The following RLF variants were observed in gnomAD, a reference collection of about 807,000 sequenced individuals.
The protein encoded by RLF is zinc finger protein Rlf.
Under a neutral mutation model 162.9 loss-of-function variants are expected in RLF, and 7 were observed. The observed-to-expected ratio is 0.04, with a 90% confidence interval of 0.02 to 0.08. RLF has a LOEUF of 0.08. Ranked by LOEUF, RLF falls within the 10% of genes least tolerant of loss-of-function variation. RLF has a pLI of 1.00. For synonymous variants in RLF, 782 were observed against 791.5 expected, an observed-to-expected ratio of 0.99 and a Z score of 0.20; for missense variants, 1,664 against 2,244.7, an observed-to-expected ratio of 0.74 and a Z score of 5.23.
chr1:40,239,971 C>A lies in RLF; in HGVS notation c.5269C>A (p.Arg1757=). 1 of 1,613,686 alleles carries A rather than the reference C, an allele frequency of 6.2e-7. No individual in the cohort carries two copies. ...KENFRKHSQP[R]SFDLKTYKPM... ...GAATTTTAGGAAACATTCACAGCCC[C>A]GGTCATTTGATTTGAAGACTTACAA... The change falls in exon 8 of 8, where the codon CGG becomes AGG. Residue 1757 remains arginine, a synonymous_variant. Transcript: ENST00000372771.
At position 40,225,210 on chromosome 1, in the gene RLF, A is replaced by G. The variant is rs1435610345; in HGVS notation, c.947+2500A>G. 2.0e-5 allele frequency among the ~76,000 whole-genome samples: 3 copies of G among 152,228 alleles called. No individual in the cohort carries two copies. In the East Asian group the frequency reaches 5.8e-4, roughly 29 times the overall value. On this transcript the variant is annotated intron_variant, in intron 6 of 7. Transcript: ENST00000372771. Reference sequence around the variant, plus strand: ...AGTAGTCATGCTTATTTTTAAACACATACGCTAGAATTTATGTCTTGGGAG... The same window carrying G: ...AGTAGTCATGCTTATTTTTAAACACGTACGCTAGAATTTATGTCTTGGGAG...
At chr1:40,207,942 A>G (rs767157824) in intron 5 of RLF, among the ~76,000 whole-genome samples, 36 of 152,190 alleles carry the variant, frequency 2.4e-4, no homozygotes, top group Non-Finnish European at 4.9e-4. Flanking sequence ...ACTTATATCT[A>G]AGATACTTCC....
intron 1 of RLF, among the ~76,000 whole-genome samples, chr1:40,176,022 GTCTC>G (rs1266170050): frequency 3.9e-5 from 6 of 151,914 alleles, no homozygotes; most frequent in South Asian, 4.1e-4. Context: ...TAATCATATA[GTCTC>G]TCTTTTTTGG....
At chr1:40,167,807 C>G (rs1272006899) in intron 1 of RLF, among the ~76,000 whole-genome samples, 4 of 151,386 alleles carry the variant, frequency 2.6e-5, no homozygotes, top group Non-Finnish European at 5.9e-5. Context: ...TGCCTAGTCT[C>G]TAAAACTTAA....
At chr1:40,211,774 A>G (rs985892595) in intron 5 of RLF, among the ~76,000 whole-genome samples, 1 of 151,270 alleles carries the variant, frequency 6.6e-6, no homozygotes, top group Non-Finnish European at 1.5e-5. Flanking sequence ...GGCACGTGCC[A>G]CCACGCCTGG....
chr1:40,215,719 C>G (rs1283420216), intron 5 of RLF, among the ~76,000 whole-genome samples: 1 of 151,880 alleles, frequency 6.6e-6, no homozygotes, highest in Non-Finnish European at 1.5e-5. Context: ...AGTGTTGAGA[C>G]TACAGGCATG....
At position 40,161,530 on chromosome 1, in the gene RLF, C is replaced by T. The variant is rs745777369; in HGVS notation, c.131C>T (p.Pro44Leu). The change falls in exon 1 of 8, where the codon CCG becomes CTG. Residue 44 changes from proline (P) to leucine (L), a missense_variant. Transcript: ENST00000372771. The surrounding 1 kb of genome is among the most constrained non-coding windows in gnomAD (Gnocchi z 4.4). The part of the protein sequence containing the change: ...VRGHRPVSPA[P>L]GASGLRPCLW... ...GGTCATCGCCCCGTATCTCCAGCGCCGGGAGCCTCGGGACTGCGGCCGTGT... is the reference window on the plus strand; with the variant it reads ...GGTCATCGCCCCGTATCTCCAGCGCTGGGAGCCTCGGGACTGCGGCCGTGT... The T allele has an allele frequency of 1.2e-6, 2 of 1,606,146 alleles. No individual in the cohort carries two copies. Among genetic ancestry groups the T allele is most frequent in the Admixed American group, 1.7e-5 (1 of 58,666 alleles).
intron 3 of RLF, among the ~76,000 whole-genome samples, chr1:40,191,772 A>G (rs1642560591): frequency 6.6e-6 from 1 of 152,172 alleles, no homozygotes; most frequent in Admixed American, 6.5e-5. Flanking sequence ...TTGATCACTA[A>G]TTATGTACCA....
intron 6 of RLF, among the ~76,000 whole-genome samples, chr1:40,227,847 A>G (rs1394694743): frequency 6.6e-6 from 1 of 152,160 alleles, no homozygotes; most frequent in Non-Finnish European, 1.5e-5. Flanking sequence ...CACTAAAAAT[A>G]CAAAAAATAG....
intron 1 of RLF, among the ~76,000 whole-genome samples, chr1:40,172,722 C>T (rs114466120): frequency 9.9e-5 from 15 of 152,208 alleles, no homozygotes; most frequent in Middle Eastern, 3.4e-3. Context: ...GCTGAGATTG[C>T]GTCACTGCAC....
At chr1:40,194,562 C>T (rs1642603458) in intron 3 of RLF, among the ~76,000 whole-genome samples, 2 of 151,136 alleles carry the variant, frequency 1.3e-5, no homozygotes, top group Non-Finnish European at 2.9e-5. Context: ...ATCGCTTGAA[C>T]CAACAAGAGC....
intron 7 of RLF, among the ~76,000 whole-genome samples, chr1:40,235,343 G>A (rs547517561): frequency 6.6e-6 from 1 of 152,036 alleles, no homozygotes; most frequent in Non-Finnish European, 1.5e-5. Context: ...GTGAGCCACC[G>A]TGCCCAGCCA....
chr1:40,213,509 A>G (rs1642888801), intron 5 of RLF, among the ~76,000 whole-genome samples: 1 of 152,174 alleles, frequency 6.6e-6, no homozygotes, highest in Non-Finnish European at 1.5e-5. Context: ...AAGGAGTCTC[A>G]TGTTTTTAAA....
chr1:40,189,066 A>G lies in RLF; in HGVS notation c.249A>G (p.Gln83=). 1 of 1,587,928 alleles carries G rather than the reference A, an allele frequency of 6.3e-7. No individual in the cohort carries two copies. The highest frequency in any genetic ancestry group is 8.6e-7 in the Non-Finnish European group (1 of 1,164,232). The change falls in exon 2 of 8, where the codon CAA becomes CAG. Residue 83 remains glutamine (Q), a synonymous_variant. Coordinates refer to ENST00000372771, the MANE Select transcript of RLF (RefSeq NM_012421.4). ...YCRSFCQTLL[Q]YASNKNASEH... is the part of the protein sequence containing the mutation. ...ATTTTATTTTGTAGACCTTATTGCA[A>G]TATGCAAGCAACAAGAATGCATCAG...
At chr1:40,177,144 C>G (rs887077407) in intron 1 of RLF, among the ~76,000 whole-genome samples, 1 of 152,012 alleles carries the variant, frequency 6.6e-6, no homozygotes, top group Non-Finnish European at 1.5e-5. Context: ...CACCACCACA[C>G]CCGGCTAATT....
At chr1:40,170,257 T>C (rs894916956) in intron 1 of RLF, among the ~76,000 whole-genome samples, 3 of 152,060 alleles carry the variant, frequency 2.0e-5, no homozygotes, top group Admixed American at 1.3e-4. Context: ...TTTTTTTGTT[T>C]TTTGGTTTTT....
intron 1 of RLF, among the ~76,000 whole-genome samples, chr1:40,181,916 T>TA: frequency 1.3e-5 from 2 of 152,252 alleles, no homozygotes; most frequent in Middle Eastern, 6.8e-3. Flanking sequence ...AAAAGTTAGA[T>TA]AAGGGGTGCT....
chr1:40,202,884 G>A (rs1177127980), intron 5 of RLF, among the ~76,000 whole-genome samples: 1 of 152,122 alleles, frequency 6.6e-6, no homozygotes, highest in Non-Finnish European at 1.5e-5. Flanking sequence ...AAATGTGAAA[G>A]TTGTTTTTTC....
intron 6 of RLF, among the ~76,000 whole-genome samples, chr1:40,229,885 C>T (rs1643131154): frequency 6.6e-6 from 1 of 152,068 alleles, no homozygotes; most frequent in South Asian, 2.1e-4. Context: ...GAGGCCGAGG[C>T]AGGCAGATCA....
Sources: gnomAD v4.1 joint callset for allele counts (sites outside exome capture counted in the v4.1 genomes callset) on GRCh38, gnomAD v4.1.1 for gene constraint, Gnocchi (gnomAD v3.1) non-coding constraint, MANE v1.5 for transcripts, NCBI Gene and HGNC (gene_info 2026-07-23, HGNC 2026-07-21) for gene names.